Variants in CDCA7L observed in about 807,000 individuals in gnomAD.
CDCA7L encodes the protein cell division cycle-associated 7-like protein.
CDCA7L carries 44 observed loss-of-function variants against 57.4 expected under a neutral mutation model. That is an observed-to-expected ratio of 0.77 (90% confidence interval 0.60 to 0.98). The LOEUF is 0.98. Among genes scored for constraint, CDCA7L ranks in the 50% least tolerant of loss-of-function variants. The pLI, the probability that CDCA7L is intolerant of heterozygous loss-of-function variation, is 0.00. For synonymous variants in CDCA7L, 236 were observed against 202.8 expected (o/e 1.16, Z -1.39); for missense variants, 644 against 580.6 (o/e 1.11, Z -1.12).
intron 4 of CDCA7L, among the ~76,000 whole-genome samples, chr7:21,907,673 A>G (rs1398881569): frequency 2.0e-5 from 3 of 152,208 alleles, no homozygotes. Flanking sequence ...CCATTCCTTC[A>G]GAAGTCTCAG....
intron 3 of CDCA7L, among the ~76,000 whole-genome samples, chr7:21,910,359 C>T (rs1168322552): frequency 6.6e-6 from 1 of 152,228 alleles, no homozygotes; most frequent in Non-Finnish European, 1.5e-5. Flanking sequence ...TCCAGGCTGG[C>T]ACAGCTCTAT....
rs967154881 is a variant in CDCA7L at position 21,901,946 on chromosome 7, G to A, written c.*376C>T. On this transcript the variant is annotated 3_prime_UTR_variant, in exon 10 of 10. Transcript: ENST00000406877. ...TGCTAAGGCACACTTGGCCTGGAGT[G>A]AGTTACTGTTTGGGAAGCCAAAGAT... 1 of 246,624 alleles carries A rather than the reference G, an allele frequency of 4.1e-6. No homozygotes were observed. The highest frequency in any genetic ancestry group is 7.7e-6 in the Non-Finnish European group (1 of 130,024). 15.3% of individuals were successfully genotyped at this position (246,624 alleles called of 1,614,324 possible). A position where few individuals can be genotyped will look rare whatever the true frequency, so the allele number is the denominator to read the frequency against.
Position 21,901,469 on chromosome 7 carries a change from G to T in CDCA7L, c.*853C>A. ...ACACGACTGTAATCCCAGTTACTCA[G>T]GAGGTAGGAGAATCACTTGAACCTA... On this transcript the variant is annotated 3_prime_UTR_variant, in exon 10 of 10. Coordinates refer to ENST00000406877, the MANE Select transcript of CDCA7L (RefSeq NM_018719.5). 1.9e-6 allele frequency: 1 copy of T among 531,042 alleles called. No individual in the cohort carries two copies. Among genetic ancestry groups the T allele is most frequent in the Non-Finnish European group, 2.8e-6 (1 of 359,322 alleles). The allele number at this position is 531,042 out of a possible 1,614,324, so 32.9% of individuals were successfully genotyped here. A position where few individuals can be genotyped will look rare whatever the true frequency, so the allele number is the denominator to read the frequency against.
intron 1 of CDCA7L, among the ~76,000 whole-genome samples, chr7:21,940,956 C>T (rs909275992): frequency 2.0e-5 from 3 of 152,336 alleles, no homozygotes; most frequent in African/African-American, 4.8e-5. Flanking sequence ...AGACAACATT[C>T]TTTCAGTCCA....
chr7:21,908,549 C>T (rs1785213862), intron 3 of CDCA7L, 42 bp from the exon 4 acceptor site: 4 of 1,426,328 alleles, frequency 2.8e-6, no homozygotes, highest in Non-Finnish European at 3.7e-6. Flanking sequence ...GACACTGTTA[C>T]AGACCCACAA....
intron 2 of CDCA7L, among the ~76,000 whole-genome samples, chr7:21,915,653 A>AC (rs1159450636): frequency 8.0e-4 from 98 of 122,488 alleles, no homozygotes; most frequent in Middle Eastern, 3.7e-3. Context: ...AAAAAAAAAA[A>AC]AAAAAACACA....
chr7:21,933,719 T>G (rs1313768062), intron 1 of CDCA7L, among the ~76,000 whole-genome samples: 1 of 151,820 alleles, frequency 6.6e-6, no homozygotes, highest in Non-Finnish European at 1.5e-5. Context: ...GGTTAATGGG[T>G]GCAGCAAACC....
chr7:21,917,361 C>T (rs1368576709), intron 1 of CDCA7L, among the ~76,000 whole-genome samples: 1 of 152,122 alleles, frequency 6.6e-6, no homozygotes, highest in Non-Finnish European at 1.5e-5. Flanking sequence ...AAAGTTCATA[C>T]AATGAAATAA....
chr7:21,916,518 A>T lies in CDCA7L; in HGVS notation c.165+236T>A, dbSNP rs1309549449. On this transcript the variant is annotated intron_variant, in intron 2 of 9. Transcript: ENST00000406877. ...ATCATGTGAGGTCCCTTTATTTAAA[A>T]AAAAAAAAAAAAAAAAAAAAGAATT... 1.0e-4 allele frequency among the ~76,000 whole-genome samples: 9 copies of T among 86,488 alleles called. No individual in the cohort carries two copies. The East Asian group carries it at 6.6e-3, about 63-fold the overall frequency. The allele number at this position is 86,488 out of a possible 152,430, so 56.7% of individuals were successfully genotyped here. A position where few individuals can be genotyped will look rare whatever the true frequency, so the allele number is the denominator to read the frequency against.
chr7:21,900,966 C>T lies in CDCA7L; in HGVS notation c.*1356G>A, dbSNP rs1383933114. ...CTTACTTGATCATTATCATTAGTAG[C>T]AAGCTGCCACACAATTGCAACCGCT... On this transcript the variant is annotated 3_prime_UTR_variant, in exon 10 of 10. Coordinates refer to ENST00000406877, the MANE Select transcript of CDCA7L (RefSeq NM_018719.5). 3.9e-6 allele frequency: 6 copies of T among 1,523,452 alleles called. No individual in the cohort carries two copies. Among genetic ancestry groups the T allele is most frequent in the Non-Finnish European group, 1.8e-6 (2 of 1,137,122 alleles). 94.4% of individuals were successfully genotyped at this position (1,523,452 alleles called of 1,614,324 possible).
At chr7:21,915,434 G>T (rs908960968) in intron 2 of CDCA7L, among the ~76,000 whole-genome samples, 8 of 130,996 alleles carry the variant, frequency 6.1e-5, no homozygotes, top group African/African-American at 1.8e-4. Flanking sequence ...TTCACTAAGT[G>T]AGAAGACTGA....
rs1785557660 is a variant in CDCA7L, at chr7:21,918,498, T to TCCC, written c.25-1607_25-1605dup. Among the ~76,000 whole-genome samples, 3 of 152,316 alleles carry TCCC rather than the reference T, an allele frequency of 2.0e-5. No individual in the cohort carries two copies. In the South Asian group the frequency reaches 6.2e-4, roughly 32 times the overall value. On this transcript the variant is annotated intron_variant, in intron 1 of 9. Transcript: ENST00000406877. ...CACACTGATCAACATGGCTCTTAAATCCCTTCTCATCACTCCTTTATCTCT... is the reference window on the plus strand; with the variant it reads ...CACACTGATCAACATGGCTCTTAAATCCCCCCTTCTCATCACTCCTTTATCTCT...
At chr7:21,908,069 G>C in intron 4 of CDCA7L, 61 bp downstream of exon 4, 2 of 1,484,302 alleles carry the variant, frequency 1.3e-6, no homozygotes, top group Non-Finnish European at 1.8e-6. Context: ...GGTTCTGGGA[G>C]CCCAGCAACT....
intron 4 of CDCA7L, 54 bp from the exon 5 acceptor site, chr7:21,906,693 G>C (rs957217135): frequency 1.9e-6 from 3 of 1,539,170 alleles, no homozygotes; most frequent in African/African-American, 1.4e-5. Flanking sequence ...CCAGGTTTAG[G>C]TCATCCAACA....
At chr7:21,927,040 T>G (rs1287574084) in intron 1 of CDCA7L, among the ~76,000 whole-genome samples, 1 of 152,204 alleles carries the variant, frequency 6.6e-6, no homozygotes, top group Non-Finnish European at 1.5e-5. Context: ...AAGATTTCCC[T>G]AGCACAGAGT....
intron 9 of CDCA7L, chr7:21,902,724 A>T: frequency 2.0e-6 from 1 of 501,306 alleles, no homozygotes; most frequent in South Asian, 2.9e-5. Flanking sequence ...TTTCTGTCAT[A>T]CACCTCAAGG....
rs76492014 is a variant in CDCA7L at position 21,923,870 on chromosome 7, C to T, written c.25-6976G>A. On this transcript the variant is annotated intron_variant, in intron 1 of 9. Transcript: ENST00000406877. ...CCCTGCTGAGTTGCTGCTGGCTTCT[C>T]GTTGAGTAGGTGCCTTTCAGGCATA... Among the ~76,000 whole-genome samples, 738 of 152,314 alleles carry T rather than the reference C, an allele frequency of 4.8e-3. 5 individuals are homozygous for T. The highest frequency in any genetic ancestry group is 8.4e-3 in the Admixed American group (128 of 15,300).
intron 1 of CDCA7L, among the ~76,000 whole-genome samples, chr7:21,936,799 T>C (rs1377482789): frequency 6.6e-6 from 1 of 152,190 alleles, no homozygotes. Flanking sequence ...CAACGCAGTA[T>C]TGGGAGGTCT....
intron 1 of CDCA7L, among the ~76,000 whole-genome samples, chr7:21,931,644 A>G (rs370184586): frequency 2.6e-5 from 4 of 152,352 alleles, no homozygotes; most frequent in East Asian, 3.9e-4. Flanking sequence ...AATAACAGCT[A>G]TTTATGACAA....
Sources: allele counts gnomAD v4.1 joint callset (sites outside exome capture counted in the v4.1 genomes callset), GRCh38; gene constraint gnomAD v4.1.1; transcripts MANE v1.5; gene names NCBI Gene and HGNC (gene_info 2026-07-23, HGNC 2026-07-21).